C6orf52: variants seen among roughly 807,000 people sequenced by gnomAD.
The protein encoded by C6orf52 is chromosome 6 open reading frame 52.
Under a neutral mutation model 16.6 loss-of-function variants are expected in C6orf52, and 16 were observed. The observed-to-expected ratio is 0.96, with a 90% CI of 0.65 to 1.46. The LOEUF is 1.46. C6orf52 is among the 40% of genes most tolerant of loss of function. The pLI, the probability that C6orf52 is intolerant of heterozygous loss-of-function variation, is 0.00. For synonymous variants in C6orf52, 53 were observed against 61.4 expected, an observed-to-expected ratio of 0.86 and a Z score of 0.64; for missense variants, 166 against 182.3, an observed-to-expected ratio of 0.91 and a Z score of 0.52.
chr6:10,677,462 T>C (rs1366938631), intron 4 of C6orf52, among the ~76,000 whole-genome samples: 1 of 152,144 alleles, frequency 6.6e-6, no homozygotes, highest in African/African-American at 2.4e-5. Context: ...CACCCTTTTT[T>C]TTTTTTGGCT....
rs1767427954 is a variant in C6orf52, at chr6:10,671,590, G to A, written c.325C>T (p.Leu109Phe). ...TTTGATTCCTCAATATTCAAATGAAGATGTGGATCTGCAGAAGCCAATAAT... is the reference window on the plus strand; with the variant it reads ...TTTGATTCCTCAATATTCAAATGAAAATGTGGATCTGCAGAAGCCAATAAT... ...QDEDPLEDPHLHLNIEESNQE... is the reference protein window; with the variant it reads ...QDEDPLEDPHFHLNIEESNQE... The change falls in exon 5 of 5, where the codon CTT (leucine) becomes TTT (phenylalanine). Residue 109 changes from leucine to phenylalanine, a missense_variant. Physicochemically the swap from Leu to Phe is conservative, Grantham distance 22. Transcript: ENST00000259983. 1.3e-6 allele frequency: 2 copies of A among 1,541,066 alleles called. No individual in the cohort carries two copies. Among genetic ancestry groups the A allele is most frequent in the Non-Finnish European group, 1.8e-6 (2 of 1,141,672 alleles).
At chr6:10,690,432 C>T (rs934342839) in intron 1 of C6orf52, among the ~76,000 whole-genome samples, 5 of 152,168 alleles carry the variant, frequency 3.3e-5, no homozygotes, top group Non-Finnish European at 7.3e-5. Context: ...GGAATACATT[C>T]ACGTGCAACC....
intron 4 of C6orf52, among the ~76,000 whole-genome samples, chr6:10,682,420 T>C (rs1240403181): frequency 6.6e-6 from 1 of 152,204 alleles, no homozygotes; most frequent in African/African-American, 2.4e-5. Context: ...TTTGATTTAA[T>C]TTAAACACTG....
intron 4 of C6orf52, among the ~76,000 whole-genome samples, chr6:10,674,955 G>A (rs978754001): frequency 7.9e-5 from 12 of 151,738 alleles, no homozygotes; most frequent in East Asian, 1.9e-4. Flanking sequence ...GATTACAGGC[G>A]CACACCACCA....
Position 10,688,701 on chromosome 6 carries a change from T to C in C6orf52, c.-11-1140A>G, listed in dbSNP as rs1324973926. On this transcript the variant is annotated intron_variant, in intron 1 of 4. Transcript: ENST00000259983. The stretch of plus-strand genomic sequence containing the variant: ...CCTTAAATTCTGTCTGGATTACTTA[T>C]AATACCTAATACAATGGCTATGTAT... Among the ~76,000 whole-genome samples the C allele has an allele frequency of 3.9e-5, 6 of 152,350 alleles. 1 individual carries two copies. The highest frequency in any genetic ancestry group is 3.3e-4 in the Admixed American group (5 of 15,306).
At chr6:10,687,339 C>T in intron 2 of C6orf52, 141 bp downstream of exon 2, 1 of 773,612 alleles carries the variant, frequency 1.3e-6, no homozygotes, top group Non-Finnish European at 2.1e-6. Flanking sequence ...ACGTGTATAC[C>T]TATGTAAAAA....
In C6orf52 at chr6:10,690,892, A is replaced by C. The variant is rs193060501; in HGVS notation, c.-11-3331T>G. Among the ~76,000 whole-genome samples, 327 of 152,326 alleles carry C rather than the reference A, an allele frequency of 2.1e-3. 2 individuals are homozygous for C. The highest frequency in any genetic ancestry group is 7.4e-3 in the African/African-American group (308 of 41,570). The stretch of plus-strand genomic sequence containing the variant: ...TTTACAGGAAGTTATGCTCAGTTCC[A>C]ATCCAGTTAAACAGGTATATAATTC... On this transcript the variant is annotated intron_variant, in intron 1 of 4. Transcript: ENST00000259983.
chr6:10,680,253 G>GA (rs562701147), intron 4 of C6orf52, among the ~76,000 whole-genome samples: 49 of 147,586 alleles, frequency 3.3e-4, no homozygotes, highest in South Asian at 8.6e-4. Context: ...CTATCTCCAG[G>GA]AAAAAAAAAA....
chr6:10,683,663 T>A (rs968768051), intron 3 of C6orf52, among the ~76,000 whole-genome samples: 1 of 152,242 alleles, frequency 6.6e-6, no homozygotes. Flanking sequence ...GTTTTTCTCA[T>A]GGCCTTCTAA....
chr6:10,687,745 G>A (rs936345289), intron 1 of C6orf52, among the ~76,000 whole-genome samples, 184 bp from the exon 2 acceptor site: 1 of 152,130 alleles, frequency 6.6e-6, no homozygotes, highest in African/African-American at 2.4e-5. Context: ...AGGTGTGGGT[G>A]GGGGAGGGGT....
At chr6:10,688,208 T>A (rs1464206326) in intron 1 of C6orf52, among the ~76,000 whole-genome samples, 1 of 151,780 alleles carries the variant, frequency 6.6e-6, no homozygotes, top group African/African-American at 2.4e-5. Context: ...AGTTTTTTTT[T>A]TTAAAAAAAG....
chr6:10,684,330 AAAAG>A (rs1768663897), intron 3 of C6orf52, among the ~76,000 whole-genome samples: 1 of 152,222 alleles, frequency 6.6e-6, no homozygotes, highest in Non-Finnish European at 1.5e-5. Context: ...ATATAAAAAG[AAAAG>A]AAAGAAATGG....
At chr6:10,673,105 T>TC (rs1767570127) in intron 4 of C6orf52, among the ~76,000 whole-genome samples, 3 of 152,364 alleles carry the variant, frequency 2.0e-5, no homozygotes, top group African/African-American at 7.2e-5. Context: ...TTCCCTTTTT[T>TC]CCCACTAAAC....
At chr6:10,678,582 AC>A (rs1370906071) in intron 4 of C6orf52, among the ~76,000 whole-genome samples, 6 of 152,228 alleles carry the variant, frequency 3.9e-5, no homozygotes, top group Admixed American at 1.3e-4. Context: ...GTTCCTAACC[AC>A]TGCAATAAAA....
Position 10,687,087 on chromosome 6 carries a change from T to A in C6orf52, c.149A>T (p.Gln50Leu), listed in dbSNP as rs1253663671. 4 of 1,551,878 alleles carry A rather than the reference T, an allele frequency of 2.6e-6. No homozygotes were observed. In the Admixed American group the frequency reaches 5.9e-5, roughly 23 times the overall value. ...GCCAGAAAGAAGGTAAGAGCCGTGC[T>A]GTCGCGCATACCAGTTGCCATAGCG... ...SYRYGNWYAR[Q>L]HGSYLLSGYS... is the part of the protein sequence containing the mutation. Residue 50 changes from glutamine (Q) to leucine (L), a missense_variant, in exon 3 of 5, where the codon CAG (glutamine) becomes CTG (leucine). Gln to Leu is a moderately radical substitution (Grantham distance 113, BLOSUM62 -2). Transcript: ENST00000259983.
intron 4 of C6orf52, chr6:10,674,590 A>T (rs1767701286): frequency 6.7e-6 from 1 of 149,090 alleles, no homozygotes. Context: ...ATCATTTTTC[A>T]TTTTTGTGGT....
intron 4 of C6orf52, among the ~76,000 whole-genome samples, chr6:10,675,650 G>A (rs558698355): frequency 1.3e-5 from 2 of 152,282 alleles, no homozygotes; most frequent in East Asian, 3.9e-4. Context: ...CCAACAGTAT[G>A]CAAGGGCTCT....
intron 3 of C6orf52, among the ~76,000 whole-genome samples, chr6:10,684,082 G>A (rs1768643398): frequency 6.6e-6 from 1 of 152,096 alleles, no homozygotes; most frequent in African/African-American, 2.4e-5. Context: ...AATATACTGA[G>A]GTTTGGAAAA....
At chr6:10,684,824 A>G (rs1561876542) in intron 3 of C6orf52, 1 of 1,284,056 alleles carries the variant, frequency 7.8e-7, no homozygotes, top group Non-Finnish European at 1.0e-6. Flanking sequence ...TGTGGGAGTA[A>G]AAGAGCGCCA....
Sources: allele counts gnomAD v4.1 joint callset (sites outside exome capture counted in the v4.1 genomes callset), GRCh38; gene constraint gnomAD v4.1.1; transcripts MANE v1.5; gene names NCBI Gene and HGNC (gene_info 2026-07-23, HGNC 2026-07-21).